Variants in DEFB132 observed in about 807,000 individuals in gnomAD.
DEFB132 encodes beta-defensin 132.
A neutral mutation model predicts 2.5 loss-of-function variants in DEFB132; 5 were observed. The ratio of observed to expected loss-of-function variants is 2.00; its 90% CI spans 1.04 to 4.20. DEFB132 has a LOEUF of 4.20. Among genes scored for constraint, DEFB132 ranks in the 30% most tolerant of loss-of-function variants. The pLI is 0.00. For missense variants in DEFB132, 112 were observed against 110.0 expected (o/e 1.02, Z -0.08); for synonymous variants, 53 against 46.2 (o/e 1.15, Z -0.60).
Position 259,168 on chromosome 20 carries a change from C to T in DEFB132, c.150C>T (p.Asn50=), listed in dbSNP as rs756548439. Residue 50 remains asparagine, a synonymous_variant, in exon 2 of 2, where the codon AAC becomes AAT. Transcript: ENST00000382376. ...HWGETALFMC[N]ASRKCCISYS... ...GGGAGACAGCATTGTTCATGTGCAA[C>T]GCTTCCAGAAAATGCTGCATCAGCT... 19 of 1,614,054 alleles carry T rather than the reference C, an allele frequency of 1.2e-5. No individual in the cohort carries two copies. Among genetic ancestry groups the T allele is most frequent in the South Asian group, 8.8e-5 (8 of 91,078 alleles).
Position 259,134 on chromosome 20 carries a change from G to A in DEFB132, c.116G>A (p.Cys39Tyr). 6.2e-7 allele frequency: 1 copy of A among 1,614,212 alleles called. No homozygotes were observed. The highest frequency in any genetic ancestry group is 8.5e-7 in the Non-Finnish European group (1 of 1,180,044). Residue 39 changes from cysteine (C) to tyrosine (Y), a missense_variant, in exon 2 of 2, where the codon TGC (cysteine) becomes TAC (tyrosine). Coordinates refer to ENST00000382376, the MANE Select transcript of DEFB132 (RefSeq NM_207469.3). ...SNTPGYCRTCCHWGETALFMC... is the reference protein window; with the variant it reads ...SNTPGYCRTCYHWGETALFMC... ...ACCCCAGGATACTGCAGGACATGTT[G>A]CCACTGGGGGGAGACAGCATTGTTC...
intron 1 of DEFB132, among the ~76,000 whole-genome samples, chr20:258,635 C>A (rs1429072626): frequency 2.0e-5 from 3 of 152,068 alleles, no homozygotes; most frequent in African/African-American, 7.2e-5. Context: ...TCCCACTTTG[C>A]CCCAGGTTGA....
In DEFB132 at chr20:260,791, T is replaced by C. The variant is rs983170701; in HGVS notation, c.*1485T>C. ...GTGTAAAAGTAAAGTATTAAAAGAT[T>C]GTGTGGTCAAATATTCAATTTAAGA... On this transcript the variant is annotated 3_prime_UTR_variant, in exon 2 of 2. Coordinates refer to ENST00000382376, the MANE Select transcript of DEFB132 (RefSeq NM_207469.3). 6.6e-6 allele frequency: 1 copy of C among 152,202 alleles called. No individual in the cohort carries two copies. Among genetic ancestry groups the C allele is most frequent in the Non-Finnish European group, 1.5e-5 (1 of 68,038 alleles). 9.4% of individuals were successfully genotyped at this position (152,202 alleles called of 1,614,324 possible). A position where few individuals can be genotyped will look rare whatever the true frequency, so the allele number is the denominator to read the frequency against.
At chr20:258,730 C>A (rs1334810085) in intron 1 of DEFB132, among the ~76,000 whole-genome samples, 1 of 152,154 alleles carries the variant, frequency 6.6e-6, no homozygotes, top group African/African-American at 2.4e-5. Flanking sequence ...TGAGACTAGC[C>A]CCATTTCTCC....
rs1418289054 is a variant in DEFB132 at position 259,076 on chromosome 20, G to C, written c.59-1G>C. On this transcript the variant is annotated splice_acceptor_variant, in intron 1 of 1. Coordinates refer to ENST00000382376, the MANE Select transcript of DEFB132 (RefSeq NM_207469.3). LOFTEE classifies it high-confidence loss of function. ...TCTCTGTCTTGTCCTCTCCCATACA[G>C]CCAGTGCAGGTGGGTCAAAATGTGT... The C allele has an allele frequency of 5.6e-6, 9 of 1,614,088 alleles. No individual in the cohort carries two copies. The highest frequency in any genetic ancestry group is 7.6e-6 in the Non-Finnish European group (9 of 1,179,996).
chr20:257,930 G>GCCCT, intron 1 of DEFB132, 94 bp downstream of exon 1: 1 of 1,312,514 alleles, frequency 7.6e-7, no homozygotes, highest in Non-Finnish European at 1.1e-6. Flanking sequence ...GTTGGGTGGA[G>GCCCT]GCAGGGCTCA....
In DEFB132 at chr20:260,399, TACAA is replaced by T. The variant is rs997087267; in HGVS notation, c.*1099_*1102del. On this transcript the variant is annotated 3_prime_UTR_variant, in exon 2 of 2. Coordinates refer to ENST00000382376, the MANE Select transcript of DEFB132 (RefSeq NM_207469.3). ...AATATATACTAATGCCATCTATAAA[TACAA>T]ACAAATAGAATGTTTATAGAATAAT... 2 of 152,164 alleles carry T rather than the reference TACAA, an allele frequency of 1.3e-5. No homozygotes were observed. Among genetic ancestry groups the T allele is most frequent in the Admixed American group, 6.5e-5 (1 of 15,282 alleles). 9.4% of individuals were successfully genotyped at this position (152,164 alleles called of 1,614,324 possible).
At chr20:258,673 A>G (rs1469250862) in intron 1 of DEFB132, among the ~76,000 whole-genome samples, 1 of 122,478 alleles carries the variant, frequency 8.2e-6, no homozygotes, top group Non-Finnish European at 1.9e-5. Context: ...AGAGTCTATG[A>G]AAACAAGTAA....
rs1555768312 is a variant in DEFB132, at chr20:257,799, CT to C, written c.23del (p.Leu8TrpfsTer7). MKFLLLV[L>X]AALGFLTQVI... ...CAGCCATGAAGTTCCTGCTCCTGGTCTTGGCAGCCCTCGGATTCCTGACCCA... is the reference window on the plus strand; with the variant it reads ...CAGCCATGAAGTTCCTGCTCCTGGTCTGGCAGCCCTCGGATTCCTGACCCA... On this transcript the variant is annotated frameshift_variant, in exon 1 of 2. Transcript: ENST00000382376. LOFTEE classifies it low-confidence loss of function (END_TRUNC). 1 of 252,996 alleles carries C rather than the reference CT, an allele frequency of 4.0e-6. No homozygotes were observed. The highest frequency in any genetic ancestry group is 5.5e-6 in the Non-Finnish European group (1 of 180,270). The allele number at this position is 252,996 out of a possible 1,614,324, so 15.7% of individuals were successfully genotyped here. A position where few individuals can be genotyped will look rare whatever the true frequency, so the allele number is the denominator to read the frequency against.
Position 258,431 on chromosome 20 carries a change from G to A in DEFB132, c.58+595G>A, listed in dbSNP as rs554017002. Among the ~76,000 whole-genome samples the A allele has an allele frequency of 6.6e-5, 10 of 152,304 alleles. No individual in the cohort carries two copies. The South Asian group carries it at 2.1e-3, about 32-fold the overall frequency. Reference sequence around the variant, plus strand: ...ATCAGAGGAGGGCCAGGCAACGGATGTGAAGAAAGCCAAAGAGGCTTGAGG... The same window carrying A: ...ATCAGAGGAGGGCCAGGCAACGGATATGAAGAAAGCCAAAGAGGCTTGAGG... On this transcript the variant is annotated intron_variant, in intron 1 of 1. Transcript: ENST00000382376.
intron 1 of DEFB132, among the ~76,000 whole-genome samples, chr20:258,859 T>C (rs1473697293): frequency 1.4e-5 from 2 of 138,158 alleles, no homozygotes; most frequent in Non-Finnish European, 3.2e-5. Context: ...ATGCAGATAC[T>C]GGCAAAGAAG....
chr20:258,206 G>C (rs1233178587), intron 1 of DEFB132, among the ~76,000 whole-genome samples: 1 of 152,176 alleles, frequency 6.6e-6, no homozygotes, highest in Admixed American at 6.5e-5. Flanking sequence ...AGGAGATTTT[G>C]AGCCTAGAAG....
intron 1 of DEFB132, among the ~76,000 whole-genome samples, chr20:258,464 G>A (rs576457349): frequency 4.6e-5 from 7 of 152,326 alleles, no homozygotes; most frequent in East Asian, 1.9e-4. Context: ...AGGGTGCTCC[G>A]AAGAGGCCCC....
At chr20:258,033 C>A (rs1568485449) in intron 1 of DEFB132, among the ~76,000 whole-genome samples, 197 bp downstream of exon 1, 3 of 152,184 alleles carry the variant, frequency 2.0e-5, no homozygotes, top group African/African-American at 4.8e-5. Flanking sequence ...ATAACCTTTA[C>A]AAAAATTTGT....
In DEFB132 at chr20:260,565, C is replaced by G. The variant is rs2011632728; in HGVS notation, c.*1259C>G. On this transcript the variant is annotated 3_prime_UTR_variant, in exon 2 of 2. Transcript: ENST00000382376. Reference sequence around the variant, plus strand: ...AGAATTATGCATAAATTTCCTCTTACAGTTCGATGCCCATTAGTTTTATAT... The same window carrying G: ...AGAATTATGCATAAATTTCCTCTTAGAGTTCGATGCCCATTAGTTTTATAT... 6.6e-6 allele frequency: 1 copy of G among 152,262 alleles called. No homozygotes were observed. The highest frequency in any genetic ancestry group is 2.1e-4 in the South Asian group (1 of 4,830). The allele number at this position is 152,262 out of a possible 1,614,324, so 9.4% of individuals were successfully genotyped here. A position where few individuals can be genotyped will look rare whatever the true frequency, so the allele number is the denominator to read the frequency against.
At chr20:257,956 G>A in intron 1 of DEFB132, 120 bp downstream of exon 1, 2 of 948,152 alleles carry the variant, frequency 2.1e-6, no homozygotes, top group Non-Finnish European at 3.2e-6. Context: ...CTGAGTTCCA[G>A]TCTAAGGTAG....
chr20:260,345 C>T lies in DEFB132; in HGVS notation c.*1039C>T, dbSNP rs1475197454. The T allele has an allele frequency of 6.6e-6, 1 of 151,980 alleles. No homozygotes were observed. The highest frequency in any genetic ancestry group is 1.9e-4 in the East Asian group (1 of 5,202). 9.4% of individuals were successfully genotyped at this position (151,980 alleles called of 1,614,324 possible). ...TTTCCATATAATATTATTTAAAATG[C>T]TGAGAAAATGAAAAAATCTAAATGG... On this transcript the variant is annotated 3_prime_UTR_variant, in exon 2 of 2. Coordinates refer to ENST00000382376, the MANE Select transcript of DEFB132 (RefSeq NM_207469.3).
rs148948748 is a variant in DEFB132 at position 259,084 on chromosome 20, A to G, written c.66A>G (p.Ala22=). Residue 22 remains alanine, a synonymous_variant, in exon 2 of 2, where the codon GCA becomes GCG. Coordinates refer to ENST00000382376, the MANE Select transcript of DEFB132 (RefSeq NM_207469.3). ...TTGTCCTCTCCCATACAGCCAGTGC[A>G]GGTGGGTCAAAATGTGTGAGTAACA... ...GFLTQVIPAS[A]GGSKCVSNTP... 5.6e-6 allele frequency: 9 copies of G among 1,614,184 alleles called. No homozygotes were observed. Among genetic ancestry groups the G allele is most frequent in the Non-Finnish European group, 7.6e-6 (9 of 1,180,032 alleles).
intron 1 of DEFB132, among the ~76,000 whole-genome samples, chr20:258,156 C>A (rs561631556): frequency 1.3e-5 from 2 of 152,316 alleles, no homozygotes; most frequent in African/African-American, 4.8e-5. Context: ...TCTGTCATCA[C>A]CATGTGCATC....
Sources: gnomAD v4.1 joint callset for allele counts (sites outside exome capture counted in the v4.1 genomes callset) on GRCh38, gnomAD v4.1.1 for gene constraint, MANE v1.5 for transcripts, NCBI Gene and HGNC (gene_info 2026-07-23, HGNC 2026-07-21) for gene names.